Variants in TTC29 observed in about 807,000 individuals in gnomAD.
The protein encoded by TTC29 is tetratricopeptide repeat domain 29, also known as tetratricopeptide repeat protein 29.
A neutral mutation model predicts 58.1 loss-of-function variants in TTC29; 49 were observed. The ratio of observed to expected loss-of-function variants is 0.84; its 90% confidence interval spans 0.67 to 1.07. TTC29 has a LOEUF of 1.07. Ranked by LOEUF, TTC29 falls within the 50% of genes least tolerant of loss-of-function variation. The pLI is 0.00. For missense variants in TTC29, 582 were observed against 555.6 expected (o/e 1.05, Z -0.48); for synonymous variants, 209 against 196.8 (o/e 1.06, Z -0.52).
rs754701031 is a variant in TTC29, at chr4:146,820,266, G to T, written c.978-18C>A. The T allele has an allele frequency of 3.7e-6, 6 of 1,605,718 alleles. No individual in the cohort carries two copies. Among genetic ancestry groups the T allele is most frequent in the Non-Finnish European group, 5.1e-6 (6 of 1,177,404 alleles). ...CTCCTTGGCTAGAATGAATGAAATA[G>T]GAAGTCAATGGAGTATCATCTCACT... On this transcript the variant is annotated intron_variant, in intron 9 of 12. Coordinates refer to ENST00000325106, the MANE Select transcript of TTC29 (RefSeq NM_031956.4).
chr4:146,797,032 C>A (rs1219366361), intron 11 of TTC29, among the ~76,000 whole-genome samples: 1 of 152,070 alleles, frequency 6.6e-6, no homozygotes, highest in Non-Finnish European at 1.5e-5. Context: ...AAACAAATCC[C>A]TTTTAGAGGA....
chr4:146,937,706 C>T, intron 3 of TTC29, 29 bp from the exon 4 acceptor site: 1 of 1,323,330 alleles, frequency 7.6e-7, no homozygotes, highest in Non-Finnish European at 1.0e-6. Context: ...AATAATAAAG[C>T]ACAGCCTTAT....
chr4:146,730,264 G>T (rs1031969091), intron 11 of TTC29, among the ~76,000 whole-genome samples: 7 of 152,184 alleles, frequency 4.6e-5, no homozygotes, highest in Middle Eastern at 6.8e-3. Context: ...TTGCAGCAAC[G>T]TGGAGGCAGC....
intron 11 of TTC29, among the ~76,000 whole-genome samples, chr4:146,744,566 T>C (rs971969615): frequency 3.3e-5 from 5 of 152,168 alleles, no homozygotes; most frequent in African/African-American, 1.2e-4. Flanking sequence ...CTATACATTC[T>C]AGTTCTATGA....
At chr4:146,814,732 A>G (rs1413444607) in intron 10 of TTC29, among the ~76,000 whole-genome samples, 3 of 148,212 alleles carry the variant, frequency 2.0e-5, no homozygotes, top group East Asian at 3.9e-4. Context: ...CTCAAAAAAA[A>G]AAAAAAAAAA....
chr4:146,858,064 C>T (rs751990406), intron 8 of TTC29, among the ~76,000 whole-genome samples: 15 of 152,190 alleles, frequency 9.9e-5, no homozygotes, highest in Non-Finnish European at 2.1e-4. Context: ...CTATCATTAT[C>T]CAGTTATAGT....
chr4:146,894,213 A>T (rs1417046394), intron 6 of TTC29, among the ~76,000 whole-genome samples: 1 of 152,148 alleles, frequency 6.6e-6, no homozygotes. Context: ...TCATGCTGCT[A>T]TAAAGACACA....
At chr4:146,710,397 G>T (rs547875144) in intron 11 of TTC29, among the ~76,000 whole-genome samples, 170 of 152,248 alleles carry the variant, frequency 1.1e-3, no homozygotes, top group Non-Finnish European at 1.6e-3. Context: ...TAGTACATAG[G>T]AATCTTTCAG....
At chr4:146,885,474 C>A (rs1731920576) in intron 6 of TTC29, among the ~76,000 whole-genome samples, 1 of 151,952 alleles carries the variant, frequency 6.6e-6, no homozygotes, top group Non-Finnish European at 1.5e-5. Flanking sequence ...TTCTACGTAT[C>A]TAGATTATTT....
intron 11 of TTC29, among the ~76,000 whole-genome samples, chr4:146,739,083 C>T (rs1744930048): frequency 6.6e-6 from 1 of 151,928 alleles, no homozygotes; most frequent in Non-Finnish European, 1.5e-5. Flanking sequence ...TTCACTTTTT[C>T]AGAATTAAAG....
intron 11 of TTC29, among the ~76,000 whole-genome samples, chr4:146,724,258 C>G (rs1743597752): frequency 6.6e-6 from 1 of 152,176 alleles, no homozygotes; most frequent in African/African-American, 2.4e-5. Context: ...GATTGAAAAT[C>G]TAGCTGTTGG....
At chr4:146,777,923 G>A (rs1181928112) in intron 11 of TTC29, among the ~76,000 whole-genome samples, 1 of 152,220 alleles carries the variant, frequency 6.6e-6, no homozygotes, top group Non-Finnish European at 1.5e-5. Flanking sequence ...ATTGCTCAAT[G>A]AGCAAGCCTA....
At chr4:146,766,728 A>G (rs1747350775) in intron 11 of TTC29, among the ~76,000 whole-genome samples, 1 of 152,100 alleles carries the variant, frequency 6.6e-6, no homozygotes, top group South Asian at 2.1e-4. Flanking sequence ...GTATGAAGCT[A>G]CAAGATTCAG....
intron 7 of TTC29, among the ~76,000 whole-genome samples, chr4:146,873,302 G>A (rs1482011033): frequency 1.3e-5 from 2 of 152,116 alleles, no homozygotes; most frequent in Non-Finnish European, 1.5e-5. Context: ...AAAGTATTGT[G>A]TAATCCTTTA....
chr4:146,821,025 G>GA (rs879449860), intron 9 of TTC29, among the ~76,000 whole-genome samples: 308 of 132,414 alleles, frequency 2.3e-3, no homozygotes, highest in Middle Eastern at 0.011. Flanking sequence ...GTCTCAGAAA[G>GA]AAAAAAAAAA....
intron 11 of TTC29, among the ~76,000 whole-genome samples, chr4:146,710,632 A>G (rs908037501): frequency 6.6e-6 from 1 of 152,066 alleles, no homozygotes; most frequent in South Asian, 2.1e-4. Flanking sequence ...GTGATTTGAG[A>G]TGTTTGATCT....
At chr4:146,881,088 T>G (rs1466677857) in intron 6 of TTC29, among the ~76,000 whole-genome samples, 1 of 152,184 alleles carries the variant, frequency 6.6e-6, no homozygotes, top group African/African-American at 2.4e-5. Context: ...TCTGTCCAGA[T>G]CTGACATTAA....
At chr4:146,840,382 A>G (rs1256715341) in intron 8 of TTC29, among the ~76,000 whole-genome samples, 2 of 152,094 alleles carry the variant, frequency 1.3e-5, no homozygotes, top group African/African-American at 4.8e-5. Context: ...GAACCAATGT[A>G]TTATGCAAAG....
chr4:146,725,077 C>T (rs569440713), intron 11 of TTC29, among the ~76,000 whole-genome samples: 3 of 152,242 alleles, frequency 2.0e-5, no homozygotes, highest in Admixed American at 6.5e-5. Flanking sequence ...AATAATCTGC[C>T]TCCTTCAAAT....
Sources: gnomAD v4.1 joint callset for allele counts (sites outside exome capture counted in the v4.1 genomes callset) on GRCh38, gnomAD v4.1.1 for gene constraint, MANE v1.5 for transcripts, NCBI Gene and HGNC (gene_info 2026-07-23, HGNC 2026-07-21) for gene names.